The following NUP210 variants were observed in gnomAD, a reference collection of about 807,000 sequenced individuals.
NUP210 encodes nuclear pore membrane glycoprotein 210.
In NUP210, 151 loss-of-function variants were observed where a neutral mutation model predicts 196.0. The observed-to-expected ratio is 0.77, with a 90% CI of 0.67 to 0.88. The LOEUF (loss-of-function observed/expected upper bound fraction) is 0.88, where lower values mean the gene tolerates loss of function less well. NUP210 is among the 40% of genes least tolerant of loss of function. The probability of loss-of-function intolerance (pLI) is 0.00; values close to 1 mark genes in which losing one functional copy is unlikely to be tolerated. For synonymous variants in NUP210, 1,070 were observed against 1,052.7 expected (o/e 1.02, Z -0.32); for missense variants, 2,314 against 2,493.7 (o/e 0.93, Z 1.53).
rs1697430039 is a variant in NUP210 at position 13,340,476 on chromosome 3, C to A, written c.3229-178G>T. 1.3e-5 allele frequency among the ~76,000 whole-genome samples: 2 copies of A among 152,218 alleles called. No homozygotes were observed. The highest frequency in any genetic ancestry group is 1.3e-4 in the Admixed American group (2 of 15,294). On this transcript the variant is annotated intron_variant, in intron 23 of 39. Coordinates refer to ENST00000254508, the MANE Select transcript of NUP210 (RefSeq NM_024923.4). The surrounding 1 kb of genome is among the most constrained non-coding windows in gnomAD (Gnocchi z 4.0). ...AATGCTGGGGGCTGTCTCCCAGCCA[C>A]TGGCCGAGGCTCCCTGGTTCTCTGG...
chr3:13,319,122 G>A lies in NUP210; in HGVS notation c.5513C>T (p.Ala1838Val). The A allele has an allele frequency of 6.2e-7, 1 of 1,609,584 alleles. No individual in the cohort carries two copies. Among genetic ancestry groups the A allele is most frequent in the Non-Finnish European group, 8.5e-7 (1 of 1,178,076 alleles). Residue 1838 changes from alanine (A) to valine (V), a missense_variant, in exon 39 of 40, where the codon GCT becomes GTT. Coordinates refer to ENST00000254508, the MANE Select transcript of NUP210 (RefSeq NM_024923.4). ...TCGAGGCGTGAGGGCTGCAGGCACA[G>A]CAAGATCCCGGGGCGTGCAGACAGT... ...YHTVCTPRDL[A>V]VPAALTPRAS... is the part of the protein sequence containing the mutation.
chr3:13,408,138 C>T (rs963470720), intron 1 of NUP210, among the ~76,000 whole-genome samples: 1 of 152,092 alleles, frequency 6.6e-6, no homozygotes, highest in African/African-American at 2.4e-5. Flanking sequence ...AAATACATGG[C>T]TTTTCTTCTT....
At position 13,316,842 on chromosome 3, in the gene NUP210, AC is replaced by A. The variant is rs1696291882; in HGVS notation, c.*838del. 1 of 152,342 alleles carries A rather than the reference AC, an allele frequency of 6.6e-6. No individual in the cohort carries two copies. The highest frequency in any genetic ancestry group is 1.5e-5 in the Non-Finnish European group (1 of 68,118). 9.4% of individuals were successfully genotyped at this position (152,342 alleles called of 1,614,324 possible). Reference sequence around the variant, plus strand: ...AGGCAGGACACAGCGGCTTTCCGAAACACACACACAGAAAATATGACTCCTG... The same window carrying A: ...AGGCAGGACACAGCGGCTTTCCGAAAACACACACAGAAAATATGACTCCTG... On this transcript the variant is annotated 3_prime_UTR_variant, in exon 40 of 40. Transcript: ENST00000254508.
At chr3:13,345,245 C>G (rs1032708959) in intron 20 of NUP210, 1 of 985,098 alleles carries the variant, frequency 1.0e-6, no homozygotes, top group Non-Finnish European at 1.2e-6. Flanking sequence ...CACCTGCAAC[C>G]CTCATGGACC....
At position 13,339,897 on chromosome 3, in the gene NUP210, T is replaced by C. The variant is rs910963267; in HGVS notation, c.3428A>G (p.Gln1143Arg). Reference sequence around the variant, plus strand: ...CTTGCCGGTCTCTGCATCCACTGCCTGCACGAGCCCAGACACAGTGCCGTT... The same window carrying C: ...CTTGCCGGTCTCTGCATCCACTGCCCGCACGAGCCCAGACACAGTGCCGTT... The part of the protein sequence containing the change: ...IGNGTVSGLV[Q>R]AVDAETGKVV... Residue 1143 changes from glutamine to arginine, a missense_variant, in exon 25 of 40, where the codon CAG becomes CGG. Gln to Arg is a conservative substitution (Grantham distance 43, BLOSUM62 1). Coordinates refer to ENST00000254508, the MANE Select transcript of NUP210 (RefSeq NM_024923.4). The C allele has an allele frequency of 1.2e-6, 2 of 1,613,984 alleles. No individual in the cohort carries two copies. The highest frequency in any genetic ancestry group is 2.2e-5 in the East Asian group (1 of 44,884).
chr3:13,328,117 C>T (rs552070738), intron 31 of NUP210, among the ~76,000 whole-genome samples: 26 of 152,370 alleles, frequency 1.7e-4, no homozygotes, highest in African/African-American at 6.3e-4. Flanking sequence ...GAATGACCTG[C>T]AGTGCAGCCA....
In NUP210 at chr3:13,328,225, C is replaced by T. The variant is rs531077135; in HGVS notation, c.4286+546G>A. 6.6e-5 allele frequency among the ~76,000 whole-genome samples: 10 copies of T among 152,334 alleles called. No individual in the cohort carries two copies. In the South Asian group the frequency reaches 1.9e-3, roughly 28 times the overall value. ...CACACGGAGTGCCATGGTTTGCCAG[C>T]GGTCCTCATGACCACTCCCTCAGCT... On this transcript the variant is annotated intron_variant, in intron 31 of 39. Coordinates refer to ENST00000254508, the MANE Select transcript of NUP210 (RefSeq NM_024923.4).
intron 2 of NUP210, among the ~76,000 whole-genome samples, chr3:13,397,712 C>A (rs75026050): frequency 6.6e-6 from 1 of 152,148 alleles, no homozygotes; most frequent in Non-Finnish European, 1.5e-5. Context: ...GCTTTTCCAG[C>A]AGGGCACCAG....
chr3:13,323,507 A>G lies in NUP210; in HGVS notation c.4645-75T>C. 6 of 1,539,382 alleles carry G rather than the reference A, an allele frequency of 3.9e-6. No homozygotes were observed. The highest frequency in any genetic ancestry group is 5.3e-6 in the Non-Finnish European group (6 of 1,122,486). On this transcript the variant is annotated intron_variant, in intron 33 of 39. Transcript: ENST00000254508. This position sits in a 1 kb window ranked among gnomAD's most constrained non-coding sequence, Gnocchi z 4.3. ...CCATGCTGGGCGTTTCCACAACCTCACCCTGCAGTCTGTGACATAGTGTCA... is the reference window on the plus strand; with the variant it reads ...CCATGCTGGGCGTTTCCACAACCTCGCCCTGCAGTCTGTGACATAGTGTCA...
At chr3:13,336,560 C>T (rs553984294) in intron 27 of NUP210, among the ~76,000 whole-genome samples, 15 of 152,294 alleles carry the variant, frequency 9.8e-5, no homozygotes, top group African/African-American at 2.2e-4. Flanking sequence ...CTTCCTCACA[C>T]GGCTGCTTCT....
intron 20 of NUP210, among the ~76,000 whole-genome samples, chr3:13,349,075 A>G (rs1324967469): frequency 9.3e-6 from 1 of 107,918 alleles, no homozygotes; most frequent in Non-Finnish European, 1.8e-5. Flanking sequence ...AAACATACAC[A>G]CAGCCGTTTA....
intron 2 of NUP210, among the ~76,000 whole-genome samples, chr3:13,398,607 T>C (rs373862725): frequency 1.3e-5 from 2 of 152,210 alleles, no homozygotes; most frequent in East Asian, 1.9e-4. Context: ...GGAATGCTTA[T>C]AGGACAACCT....
In NUP210 at chr3:13,350,609, G is replaced by A. The variant is rs1178962712; in HGVS notation, c.2835+1270C>T. 6.6e-6 allele frequency among the ~76,000 whole-genome samples: 1 copy of A among 151,280 alleles called. No homozygotes were observed. The highest frequency in any genetic ancestry group is 1.5e-5 in the Non-Finnish European group (1 of 67,894). ...TTCCAACCAAACAACGATGAAGGGA[G>A]TAAAGGAAGATTTGATAACAATCTC... is the stretch of plus-strand genomic sequence containing the variant. On this transcript the variant is annotated intron_variant, in intron 20 of 39. Transcript: ENST00000254508. The surrounding 1 kb of genome is among the most constrained non-coding windows in gnomAD (Gnocchi z 4.1).
chr3:13,342,746 C>T (rs574648361), intron 21 of NUP210, among the ~76,000 whole-genome samples: 5 of 152,300 alleles, frequency 3.3e-5, no homozygotes, highest in Admixed American at 1.3e-4. Flanking sequence ...AGATCTATCC[C>T]TTGTCTCTTT....
At chr3:13,404,857 G>A (rs533447879) in intron 1 of NUP210, among the ~76,000 whole-genome samples, 1 of 152,284 alleles carries the variant, frequency 6.6e-6, no homozygotes, top group Admixed American at 6.5e-5. Context: ...TCCAGGATCT[G>A]GGGAGAGAAG....
At chr3:13,405,905 C>T (rs1001544468) in intron 1 of NUP210, among the ~76,000 whole-genome samples, 3 of 152,146 alleles carry the variant, frequency 2.0e-5, no homozygotes, top group African/African-American at 7.2e-5. Flanking sequence ...TTAGATGATG[C>T]ACAGATGAGC....
Position 13,420,260 on chromosome 3 carries a change from C to A in NUP210, c.-34G>T, listed in dbSNP as rs938293887. On this transcript the variant is annotated 5_prime_UTR_variant, in exon 1 of 40. Coordinates refer to ENST00000254508, the MANE Select transcript of NUP210 (RefSeq NM_024923.4). The surrounding 1 kb of genome is among the most constrained non-coding windows in gnomAD (Gnocchi z 4.8). ...CGCGTCACCTCCCGCGACCCTGCGC[C>A]CGGCCGCCCGCGCCGCCCCGTTGCC... The A allele has an allele frequency of 6.6e-6, 7 of 1,058,588 alleles. No homozygotes were observed. In the South Asian group the frequency reaches 2.2e-4, roughly 33 times the overall value. 65.6% of individuals were successfully genotyped at this position (1,058,588 alleles called of 1,614,324 possible).
chr3:13,418,948 C>CAAAAAAAAAAA (rs112826426), intron 1 of NUP210, among the ~76,000 whole-genome samples: 3 of 52,496 alleles, frequency 5.7e-5, no homozygotes, highest in African/African-American at 1.1e-4. Context: ...AACTCCGTCT[C>CAAAAAAAAAAA]AAAAAAAAAA....
Position 13,332,332 on chromosome 3 carries a change from A to G in NUP210, c.3896T>C (p.Leu1299Ser). The G allele has an allele frequency of 6.2e-7, 1 of 1,613,870 alleles. No homozygotes were observed. ...CTTTATATATGAGTTGGGCGACATTAATATTTGTTCTGCTTCTATTTCAGG... is the reference window on the plus strand; with the variant it reads ...CTTTATATATGAGTTGGGCGACATTGATATTTGTTCTGCTTCTATTTCAGG... The part of the protein sequence containing the change: ...LNPEIEAEQI[L>S]MSPNSYIKLQ... The change falls in exon 29 of 40, where the codon TTA becomes TCA. Residue 1299 changes from leucine (L) to serine (S), a missense_variant. Physicochemically the swap from Leu to Ser is moderately radical, Grantham distance 145. Transcript: ENST00000254508.
Sources: allele counts gnomAD v4.1 joint callset (sites outside exome capture counted in the v4.1 genomes callset), GRCh38; gene constraint gnomAD v4.1.1; non-coding constraint Gnocchi (gnomAD v3.1); transcripts MANE v1.5; gene names NCBI Gene and HGNC (gene_info 2026-07-23, HGNC 2026-07-21).